Variants in FRMD3 observed in about 807,000 individuals in gnomAD.
The protein encoded by FRMD3 is FERM domain-containing protein 3.
FRMD3 carries 33 observed loss-of-function variants against 70.2 expected under a neutral mutation model. The observed-to-expected ratio is 0.47, with a 90% CI of 0.36 to 0.63. The LOEUF is 0.63. Ranked by LOEUF, FRMD3 falls within the 20% of genes least tolerant of loss-of-function variation. The pLI, the probability that FRMD3 is intolerant of heterozygous loss-of-function variation, is 0.00. For missense variants in FRMD3, 632 were observed against 711.4 expected (o/e 0.89, Z 1.27); for synonymous variants, 279 against 255.9 (o/e 1.09, Z -0.86).
chr9:83,518,404 A>T (rs969895232), intron 1 of FRMD3, among the ~76,000 whole-genome samples: 1 of 152,214 alleles, frequency 6.6e-6, no homozygotes, highest in Non-Finnish European at 1.5e-5. Context: ...TACAAAGAAA[A>T]TAACATACCT....
At chr9:83,496,409 C>T in intron 1 of FRMD3, among the ~76,000 whole-genome samples, 1 of 152,140 alleles carries the variant, frequency 6.6e-6, no homozygotes, top group East Asian at 1.9e-4. Flanking sequence ...ATCCTACTCC[C>T]CATCACTCAA....
chr9:83,394,531 G>C (rs1587811859), intron 1 of FRMD3, among the ~76,000 whole-genome samples: 1 of 152,106 alleles, frequency 6.6e-6, no homozygotes, highest in Non-Finnish European at 1.5e-5. Context: ...TATCTTGTTG[G>C]ACACACAGTA....
the FRMD3 span, among the ~76,000 whole-genome samples, chr9:83,571,210 C>T: frequency 4.6e-5 from 7 of 152,124 alleles, no homozygotes; most frequent in African/African-American, 1.7e-4. Context: ...TTCCCCTCTC[C>T]CAATGTGATC....
chr9:83,512,558 C>G (rs999929667), intron 1 of FRMD3, among the ~76,000 whole-genome samples: 2 of 152,214 alleles, frequency 1.3e-5, no homozygotes, highest in African/African-American at 2.4e-5. Context: ...CTAAACCCAT[C>G]TGCGGAAATG....
At chr9:83,423,487 T>C (rs1428117964) in intron 1 of FRMD3, among the ~76,000 whole-genome samples, 1 of 151,586 alleles carries the variant, frequency 6.6e-6, no homozygotes, top group African/African-American at 2.4e-5. Flanking sequence ...CCTCCTAGAG[T>C]CTCATATGGT....
chr9:83,511,298 T>C (rs1412985407), intron 1 of FRMD3, among the ~76,000 whole-genome samples: 1 of 152,132 alleles, frequency 6.6e-6, no homozygotes, highest in East Asian at 1.9e-4. Flanking sequence ...ATTTCCCCAG[T>C]AGCATAACAG....
At chr9:83,419,447 A>AGT (rs1202368184) in intron 1 of FRMD3, among the ~76,000 whole-genome samples, 280 of 142,646 alleles carry the variant, frequency 2.0e-3, no homozygotes, top group African/African-American at 6.7e-3. Flanking sequence ...CTGCTGTGAG[A>AGT]GAGTGTGTGT....
chr9:83,361,626 C>T (rs1052879276), intron 3 of FRMD3, among the ~76,000 whole-genome samples: 2 of 152,122 alleles, frequency 1.3e-5, no homozygotes, highest in Admixed American at 1.3e-4. Flanking sequence ...CTAAAAAACC[C>T]ATGTCCACCT....
At chr9:83,253,610 A>G (rs1456960967) in intron 13 of FRMD3, among the ~76,000 whole-genome samples, 1 of 152,156 alleles carries the variant, frequency 6.6e-6, no homozygotes, top group African/African-American at 2.4e-5. Flanking sequence ...AAAAGTCAGG[A>G]AACAACAGGT....
At chr9:83,462,723 C>G (rs948444333) in intron 1 of FRMD3, among the ~76,000 whole-genome samples, 2 of 152,162 alleles carry the variant, frequency 1.3e-5, no homozygotes, top group African/African-American at 4.8e-5. Flanking sequence ...GAGCTGCCAT[C>G]TTCCAGCAAT....
chr9:83,384,086 C>CA, intron 2 of FRMD3, among the ~76,000 whole-genome samples: 1 of 152,232 alleles, frequency 6.6e-6, no homozygotes, highest in Non-Finnish European at 1.5e-5. Flanking sequence ...ACCTGAGTGT[C>CA]AAAGTCCTTT....
At chr9:83,575,742 A>C in the FRMD3 span, among the ~76,000 whole-genome samples, 1 of 152,236 alleles carries the variant, frequency 6.6e-6, no homozygotes, top group East Asian at 1.9e-4. Flanking sequence ...ACAAATAAAG[A>C]GATTGAATTA....
chr9:83,302,302 G>A (rs997531359), intron 10 of FRMD3, among the ~76,000 whole-genome samples: 1 of 152,132 alleles, frequency 6.6e-6, no homozygotes, highest in African/African-American at 2.4e-5. Flanking sequence ...AGCACCTTAA[G>A]GGGATTCCAA....
rs979543839 is a variant in FRMD3 at position 83,272,544 on chromosome 9, G to A, written c.1195+18059C>T. Among the ~76,000 whole-genome samples, 69 of 152,310 alleles carry A rather than the reference G, an allele frequency of 4.5e-4. 1 individual carries two copies. The highest frequency in any genetic ancestry group is 1.9e-4 in the Non-Finnish European group (13 of 68,018). On this transcript the variant is annotated intron_variant, in intron 13 of 13. Coordinates refer to ENST00000304195, the MANE Select transcript of FRMD3 (RefSeq NM_174938.6). ...GGCCGCCACCCCCTCTGGGAAGTGAGGAGCATCTCTGCCTGGCCGCCCATC... is the reference window on the plus strand; with the variant it reads ...GGCCGCCACCCCCTCTGGGAAGTGAAGAGCATCTCTGCCTGGCCGCCCATC...
chr9:83,398,623 T>A (rs1183805207), intron 1 of FRMD3, among the ~76,000 whole-genome samples: 1 of 152,224 alleles, frequency 6.6e-6, no homozygotes, highest in Non-Finnish European at 1.5e-5. Flanking sequence ...AACCTGCACG[T>A]TGTGCACATG....
chr9:83,279,527 T>A (rs988093080), intron 13 of FRMD3: 3 of 151,962 alleles, frequency 2.0e-5, no homozygotes. Flanking sequence ...GCGGCACTAT[T>A]CACAATAGCA....
chr9:83,282,241 A>C (rs1834002180), intron 13 of FRMD3, among the ~76,000 whole-genome samples: 1 of 152,212 alleles, frequency 6.6e-6, no homozygotes, highest in African/African-American at 2.4e-5. Flanking sequence ...ATTTTCTACG[A>C]AGGCTTAGAT....
At position 83,410,806 on chromosome 9, in the gene FRMD3, G is replaced by A. The variant is rs566547320; in HGVS notation, c.148-21098C>T. Among the ~76,000 whole-genome samples, 51 of 152,250 alleles carry A rather than the reference G, an allele frequency of 3.3e-4. No individual in the cohort carries two copies. In the South Asian group the frequency reaches 0.01, roughly 31 times the overall value. On this transcript the variant is annotated intron_variant, in intron 1 of 13. Transcript: ENST00000304195. ...TTCCCTTTTCTCTGCAGCCTCACCA[G>A]CATCTGTTGTTTTTGACCTCCTAAA...
chr9:83,433,115 A>G (rs1305123771), intron 1 of FRMD3, among the ~76,000 whole-genome samples: 1 of 152,090 alleles, frequency 6.6e-6, no homozygotes, highest in East Asian at 1.9e-4. Flanking sequence ...TATATACCAC[A>G]TTTTCTTTAT....
Sources: gnomAD v4.1 joint callset for allele counts (sites outside exome capture counted in the v4.1 genomes callset) on GRCh38, gnomAD v4.1.1 for gene constraint, MANE v1.5 for transcripts, NCBI Gene and HGNC (gene_info 2026-07-23, HGNC 2026-07-21) for gene names.